Variants in SNTB1 observed in about 807,000 individuals in gnomAD.
SNTB1 encodes the protein beta-1-syntrophin.
A neutral mutation model predicts 48.9 loss-of-function variants in SNTB1; 36 were observed. The observed-to-expected ratio is 0.74, with a 90% CI of 0.56 to 0.97. The LOEUF is 0.97. SNTB1 is among the 50% of genes least tolerant of loss of function. The pLI is 0.00. For synonymous variants in SNTB1, 299 were observed against 294.6 expected, an observed-to-expected ratio of 1.01 and a Z score of -0.15; for missense variants, 786 against 703.4, an observed-to-expected ratio of 1.12 and a Z score of -1.33.
intron 2 of SNTB1, among the ~76,000 whole-genome samples, chr8:120,652,031 TAACTTTG>T (rs1817418496): frequency 6.6e-6 from 1 of 152,204 alleles, no homozygotes; most frequent in South Asian, 2.1e-4. Flanking sequence ...TTTTACTGTA[TAACTTTG>T]TATCTTTTAA....
chr8:120,763,548 A>T (rs1385543762), intron 1 of SNTB1, among the ~76,000 whole-genome samples: 17 of 152,240 alleles, frequency 1.1e-4, no homozygotes, highest in Admixed American at 6.5e-5. Context: ...TAAAATCTGC[A>T]TGCCATTTAA....
intron 1 of SNTB1, among the ~76,000 whole-genome samples, chr8:120,791,405 A>T (rs983992441): frequency 2.0e-5 from 3 of 152,062 alleles, no homozygotes; most frequent in African/African-American, 4.8e-5. Flanking sequence ...ATTTATGACT[A>T]AAACCCCGAA....
intron 1 of SNTB1, among the ~76,000 whole-genome samples, chr8:120,729,985 G>A (rs1383205813): frequency 6.6e-6 from 1 of 152,200 alleles, no homozygotes; most frequent in African/African-American, 2.4e-5. Flanking sequence ...TGCGAAAGCA[G>A]TTGTCTCACT....
intron 3 of SNTB1, among the ~76,000 whole-genome samples, chr8:120,604,462 T>C (rs939787315): frequency 8.6e-5 from 13 of 151,768 alleles, no homozygotes; most frequent in Non-Finnish European, 1.9e-4. Context: ...TGCTTCTTTT[T>C]TTTTTTTTTT....
intron 2 of SNTB1, among the ~76,000 whole-genome samples, chr8:120,659,438 T>C (rs1817552911): frequency 6.6e-6 from 1 of 152,152 alleles, no homozygotes; most frequent in Admixed American, 6.5e-5. Flanking sequence ...CATCTTCAGG[T>C]CCCACTTATA....
chr8:120,610,476 A>G lies in SNTB1; in HGVS notation c.996+21968T>C, dbSNP rs551389982. Among the ~76,000 whole-genome samples, 6 of 152,320 alleles carry G rather than the reference A, an allele frequency of 3.9e-5. No homozygotes were observed. The South Asian group carries it at 1.2e-3, about 32-fold the overall frequency. On this transcript the variant is annotated intron_variant, in intron 3 of 6. Coordinates refer to ENST00000517992, the MANE Select transcript of SNTB1 (RefSeq NM_021021.4). ...TAACTGATTGTTTCATTCATTAATC[A>G]TCTTATAAACCTGGAGGATAGGGTC...
At chr8:120,650,279 T>C (rs934162052) in intron 2 of SNTB1, among the ~76,000 whole-genome samples, 1 of 152,056 alleles carries the variant, frequency 6.6e-6, no homozygotes, top group Non-Finnish European at 1.5e-5. Flanking sequence ...TCAATGACAA[T>C]AGGAGAGTTG....
chr8:120,666,287 A>G (rs1817672558), intron 2 of SNTB1, among the ~76,000 whole-genome samples: 1 of 152,202 alleles, frequency 6.6e-6, no homozygotes, highest in Admixed American at 6.5e-5. Flanking sequence ...TTCTTTGAGC[A>G]TTTGTATGTC....
intron 3 of SNTB1, among the ~76,000 whole-genome samples, chr8:120,601,195 A>G (rs553356082): frequency 4.0e-4 from 61 of 152,026 alleles, no homozygotes; most frequent in African/African-American, 1.4e-3. Flanking sequence ...GAGATTTGCT[A>G]TTCCTGGAGT....
intron 3 of SNTB1, among the ~76,000 whole-genome samples, chr8:120,581,565 T>C (rs1293808596): frequency 4.0e-5 from 6 of 150,880 alleles, no homozygotes; most frequent in African/African-American, 1.5e-4. Flanking sequence ...GATTGCACCA[T>C]TGCACTCCAG....
intron 3 of SNTB1, among the ~76,000 whole-genome samples, chr8:120,616,182 G>A (rs1318169414): frequency 6.6e-6 from 1 of 152,132 alleles, no homozygotes; most frequent in Non-Finnish European, 1.5e-5. Context: ...TACATTTTGG[G>A]TAGTATCATC....
At chr8:120,755,265 G>T (rs1166142574) in intron 1 of SNTB1, among the ~76,000 whole-genome samples, 1 of 152,040 alleles carries the variant, frequency 6.6e-6, no homozygotes, top group Non-Finnish European at 1.5e-5. Context: ...ACAATATCCT[G>T]CCCTAGAGCA....
chr8:120,741,540 C>T (rs533483329), intron 1 of SNTB1, among the ~76,000 whole-genome samples: 5 of 152,206 alleles, frequency 3.3e-5, no homozygotes, highest in Non-Finnish European at 7.4e-5. Context: ...ACTTGGGAGG[C>T]GGAGGTTGCA....
At chr8:120,628,925 G>A (rs1449482167) in intron 3 of SNTB1, among the ~76,000 whole-genome samples, 1 of 152,150 alleles carries the variant, frequency 6.6e-6, no homozygotes, top group Non-Finnish European at 1.5e-5. Flanking sequence ...TTGGGAGGCT[G>A]AGGCAGGAGG....
chr8:120,646,783 T>C (rs1817304783), intron 2 of SNTB1, among the ~76,000 whole-genome samples: 1 of 152,196 alleles, frequency 6.6e-6, no homozygotes, highest in Admixed American at 6.5e-5. Context: ...CGGCTGTGAA[T>C]CCATCTGGTT....
chr8:120,746,041 A>G lies in SNTB1; in HGVS notation c.572-52133T>C, dbSNP rs184090889. On this transcript the variant is annotated intron_variant, in intron 1 of 6. Transcript: ENST00000517992. Reference sequence around the variant, plus strand: ...TTATTGGAACACAGTCACACTCATTATCCACGACAGTTTGGTGCCACTGCA... The same window carrying G: ...TTATTGGAACACAGTCACACTCATTGTCCACGACAGTTTGGTGCCACTGCA... 3.1e-4 allele frequency among the ~76,000 whole-genome samples: 47 copies of G among 152,296 alleles called. 1 individual carries two copies. In the East Asian group the frequency reaches 7.9e-3, roughly 26 times the overall value.
intron 2 of SNTB1, among the ~76,000 whole-genome samples, chr8:120,692,656 G>A (rs1230417275): frequency 6.6e-6 from 1 of 152,080 alleles, no homozygotes; most frequent in East Asian, 1.9e-4. Context: ...TTGGGAAACA[G>A]CATTCCAGAC....
chr8:120,541,125 C>T (rs1161382144), intron 6 of SNTB1: 1 of 152,218 alleles, frequency 6.6e-6, no homozygotes, highest in Non-Finnish European at 1.5e-5. Context: ...CCCTTCTGTG[C>T]AAGTGAAGTC....
intron 2 of SNTB1, among the ~76,000 whole-genome samples, chr8:120,662,582 G>T (rs116694206): frequency 6.6e-6 from 1 of 152,158 alleles, no homozygotes; most frequent in South Asian, 2.1e-4. Context: ...GAGAGCGAGA[G>T]GAGAATGCTG....
Sources: allele counts gnomAD v4.1 joint callset (sites outside exome capture counted in the v4.1 genomes callset), GRCh38; gene constraint gnomAD v4.1.1; transcripts MANE v1.5; gene names NCBI Gene and HGNC (gene_info 2026-07-23, HGNC 2026-07-21).